MEIKIN: variants seen among roughly 807,000 people sequenced by gnomAD.
MEIKIN encodes the protein meiotic kinetochore factor, also known as meiosis-specific kinetochore protein.
intron 8 of MEIKIN, among the ~76,000 whole-genome samples, chr5:131,902,576 T>G (rs1043760950): frequency 6.6e-6 from 1 of 152,166 alleles, no homozygotes; most frequent in African/African-American, 2.4e-5. Context: ...TGCAGAACCA[T>G]GAGCCAATTA....
chr5:131,810,643 C>T (rs947342862), intron 12 of MEIKIN, among the ~76,000 whole-genome samples: 3 of 152,154 alleles, frequency 2.0e-5, no homozygotes, highest in African/African-American at 7.2e-5. Context: ...CTGAAGTTTA[C>T]CAGGTCTGTA....
At chr5:131,845,504 C>A (rs1221993833) in intron 11 of MEIKIN, among the ~76,000 whole-genome samples, 4 of 151,284 alleles carry the variant, frequency 2.6e-5, no homozygotes, top group Admixed American at 6.6e-5. Flanking sequence ...TAAAACAATT[C>A]TCTTTAAAAG....
At chr5:131,941,726 T>C (rs1168342626) in intron 4 of MEIKIN, among the ~76,000 whole-genome samples, 1 of 152,248 alleles carries the variant, frequency 6.6e-6, no homozygotes, top group Non-Finnish European at 1.5e-5. Flanking sequence ...TATTGCTACT[T>C]AGTCATCTTA....
intron 8 of MEIKIN, among the ~76,000 whole-genome samples, chr5:131,905,586 T>C (rs768719459): frequency 6.6e-5 from 10 of 151,982 alleles, no homozygotes; most frequent in Non-Finnish European, 1.3e-4. Flanking sequence ...CAATTAGAAA[T>C]GACAAAGGAG....
intron 8 of MEIKIN, among the ~76,000 whole-genome samples, chr5:131,899,031 C>T (rs961651036): frequency 6.6e-6 from 1 of 151,838 alleles, no homozygotes; most frequent in African/African-American, 2.4e-5. Flanking sequence ...AGCTGCAGAC[C>T]GGGGCTGTTC....
chr5:131,872,089 A>G (rs9743932), intron 9 of MEIKIN, among the ~76,000 whole-genome samples: 5 of 151,948 alleles, frequency 3.3e-5, no homozygotes, highest in Non-Finnish European at 7.4e-5. Context: ...AAATCAGAGC[A>G]CCTCTCCTCC....
intron 9 of MEIKIN, among the ~76,000 whole-genome samples, chr5:131,862,483 G>A (rs1271632637): frequency 6.6e-6 from 1 of 151,686 alleles, no homozygotes; most frequent in African/African-American, 2.4e-5. Context: ...CTAATTTTGG[G>A]TTTTGTTTGT....
intron 8 of MEIKIN, among the ~76,000 whole-genome samples, chr5:131,880,382 C>A (rs527955669): frequency 6.8e-6 from 1 of 147,800 alleles, no homozygotes; most frequent in African/African-American, 2.5e-5. Context: ...GGATTACAGG[C>A]GTGAGCCAAC....
At chr5:131,910,253 A>G (rs2149642960) in intron 8 of MEIKIN, among the ~76,000 whole-genome samples, 1 of 152,288 alleles carries the variant, frequency 6.6e-6, no homozygotes, top group Non-Finnish European at 1.5e-5. Flanking sequence ...AAAGAATGAG[A>G]TCCTGTCATT....
chr5:131,813,804 T>A (rs193217468), intron 12 of MEIKIN, among the ~76,000 whole-genome samples: 1 of 152,066 alleles, frequency 6.6e-6, no homozygotes, highest in South Asian at 2.1e-4. Context: ...ATTGTATTAG[T>A]CAGGGTTCTC....
intron 11 of MEIKIN, among the ~76,000 whole-genome samples, chr5:131,847,399 A>ATTATT (rs1750038859): frequency 6.6e-6 from 1 of 152,056 alleles, no homozygotes; most frequent in African/African-American, 2.4e-5. Context: ...GGGCAGCTAT[A>ATTATT]ATAATATCAG....
intron 10 of MEIKIN, among the ~76,000 whole-genome samples, chr5:131,851,959 T>C (rs1424999827): frequency 6.6e-6 from 1 of 152,216 alleles, no homozygotes; most frequent in Non-Finnish European, 1.5e-5. Flanking sequence ...TGTATATAGT[T>C]AAGACAACTG....
chr5:131,903,001 A>G (rs1291036882), intron 8 of MEIKIN, among the ~76,000 whole-genome samples: 1 of 152,240 alleles, frequency 6.6e-6, no homozygotes, highest in South Asian at 2.1e-4. Flanking sequence ...TGAGAATTTC[A>G]TAATGCAATC....
At chr5:131,904,376 A>G (rs534720782) in intron 8 of MEIKIN, among the ~76,000 whole-genome samples, 6 of 152,342 alleles carry the variant, frequency 3.9e-5, no homozygotes, top group Non-Finnish European at 8.8e-5. Context: ...CATTCTCCTT[A>G]TATGCACATG....
intron 12 of MEIKIN, among the ~76,000 whole-genome samples, chr5:131,810,167 T>C (rs1434304332): frequency 1.3e-5 from 2 of 152,240 alleles, no homozygotes; most frequent in Non-Finnish European, 2.9e-5. Context: ...ATTTGTCATA[T>C]ATCTGTGTGA....
chr5:131,819,556 C>T (rs993010450), intron 11 of MEIKIN, among the ~76,000 whole-genome samples: 1 of 151,066 alleles, frequency 6.6e-6, no homozygotes. Context: ...TGTATTTATC[C>T]AGGGCTTCTG....
chr5:131,935,878 T>A (rs1751767974), intron 4 of MEIKIN, among the ~76,000 whole-genome samples: 1 of 143,602 alleles, frequency 7.0e-6, no homozygotes, highest in Admixed American at 7.1e-5. Flanking sequence ...CTTCTCCATA[T>A]CCTCAACTGT....
intron 11 of MEIKIN, among the ~76,000 whole-genome samples, chr5:131,839,277 T>C (rs774494185): frequency 2.6e-5 from 4 of 152,206 alleles, no homozygotes; most frequent in Non-Finnish European, 4.4e-5. Context: ...TTAGACTATG[T>C]GATCAATTTT....
At chr5:131,874,838 A>G (rs1357797498) in intron 9 of MEIKIN, among the ~76,000 whole-genome samples, 3 of 152,228 alleles carry the variant, frequency 2.0e-5, no homozygotes, top group Non-Finnish European at 4.4e-5. Flanking sequence ...GGCTGGTTCA[A>G]CGTACGAAAA....
Sources: allele counts gnomAD v4.1 joint callset (sites outside exome capture counted in the v4.1 genomes callset), GRCh38; gene constraint gnomAD v4.1.1; transcripts MANE v1.5; gene names NCBI Gene and HGNC (gene_info 2026-07-23, HGNC 2026-07-21).